RERE: variants seen among roughly 807,000 people sequenced by gnomAD.
RERE encodes the protein arginine-glutamic acid dipeptide repeats.
RERE carries 40 observed loss-of-function variants against 146.1 expected under a neutral mutation model. The ratio of observed to expected loss-of-function variants is 0.27; its 90% CI spans 0.21 to 0.36. The LOEUF is 0.36. Among genes scored for constraint, RERE ranks in the 10% least tolerant of loss-of-function variants. The probability of loss-of-function intolerance (pLI) is 1.00; values close to 1 mark genes in which losing one functional copy is unlikely to be tolerated. For synonymous variants in RERE, 1,003 were observed against 866.0 expected (o/e 1.16, Z -2.78); for missense variants, 1,933 against 2,138.7 (o/e 0.90, Z 1.90).
At chr1:8,454,002 T>C (rs1644420829) in intron 11 of RERE, among the ~76,000 whole-genome samples, 1 of 152,134 alleles carries the variant, frequency 6.6e-6, no homozygotes, top group Non-Finnish European at 1.5e-5. Flanking sequence ...GATTTTAATA[T>C]TAAACAGTGG....
intron 4 of RERE, among the ~76,000 whole-genome samples, chr1:8,561,471 T>C (rs921594285): frequency 6.7e-6 from 1 of 149,822 alleles, no homozygotes; most frequent in African/African-American, 2.6e-5. Context: ...CAGTTCAGTC[T>C]GCAACTGCTA....
chr1:8,529,622 T>C (rs564832522), intron 7 of RERE, among the ~76,000 whole-genome samples: 74 of 152,128 alleles, frequency 4.9e-4, no homozygotes, highest in African/African-American at 1.7e-3. Context: ...TCTCATGGCA[T>C]CTGGAGAGCT....
chr1:8,751,095 T>C, intron 1 of RERE: 3 of 485,554 alleles, frequency 6.2e-6, no homozygotes, highest in Non-Finnish European at 7.5e-6. Flanking sequence ...AAGAAAACCT[T>C]GACTATCTAC....
chr1:8,813,210 T>G (rs374548757), intron 1 of RERE, among the ~76,000 whole-genome samples: 58 of 152,220 alleles, frequency 3.8e-4, no homozygotes, highest in African/African-American at 1.4e-3. Flanking sequence ...TAGCTTTTCT[T>G]TCAGGATGTG....
At chr1:8,516,520 A>C (rs1284094516) in intron 7 of RERE, among the ~76,000 whole-genome samples, 3 of 152,134 alleles carry the variant, frequency 2.0e-5, no homozygotes, top group African/African-American at 7.2e-5. Flanking sequence ...CGACCCTGTA[A>C]GATAGGTGCT....
At chr1:8,400,500 C>A (rs916657401) in intron 12 of RERE, among the ~76,000 whole-genome samples, 50 of 152,126 alleles carry the variant, frequency 3.3e-4, no homozygotes, top group African/African-American at 1.2e-3. Context: ...GATCCTCCCT[C>A]TTTGGCCTCC....
intron 1 of RERE, among the ~76,000 whole-genome samples, chr1:8,698,677 T>C (rs1639384844): frequency 6.6e-6 from 1 of 152,154 alleles, no homozygotes; most frequent in Non-Finnish European, 1.5e-5. Context: ...TTTTCTATTT[T>C]TATTTTTTTT....
intron 1 of RERE, among the ~76,000 whole-genome samples, chr1:8,733,012 G>A (rs926368224): frequency 2.6e-5 from 4 of 151,400 alleles, no homozygotes; most frequent in Non-Finnish European, 4.4e-5. Flanking sequence ...TAGTAGAGAC[G>A]GGGTTTCACC....
chr1:8,732,746 G>A (rs927078468), intron 1 of RERE, among the ~76,000 whole-genome samples: 10 of 149,640 alleles, frequency 6.7e-5, no homozygotes, highest in African/African-American at 2.5e-4. Flanking sequence ...AACTCTGTGT[G>A]TGTGTCTGTA....
In RERE at chr1:8,645,818, T is replaced by G. The variant is rs79930764; in HGVS notation, c.325+10155A>C. On this transcript the variant is annotated intron_variant, in intron 2 of 22. Transcript: ENST00000400908. ...TCTTTCCTCTATCCTCACGAAGTAATAAGTTTTTATGTGCTAAAGAATTGT... is the reference window on the plus strand; with the variant it reads ...TCTTTCCTCTATCCTCACGAAGTAAGAAGTTTTTATGTGCTAAAGAATTGT... 9.9e-3 allele frequency among the ~76,000 whole-genome samples: 1,502 copies of G among 152,342 alleles called. 26 individuals carry two copies. Among genetic ancestry groups the G allele is most frequent in the African/African-American group, 0.035 (1,444 of 41,570 alleles).
In RERE at chr1:8,354,276, T is replaced by A. The variant is rs1017641529; in HGVS notation, c.*811A>T. On this transcript the variant is annotated 3_prime_UTR_variant, in exon 23 of 23. Transcript: ENST00000400908. ...AGCACAGGCTAGGAGCAGACACAAG[T>A]GAAACGCCAGGCAGAAAACAGAGTC... 2 of 152,594 alleles carry A rather than the reference T, an allele frequency of 1.3e-5. No homozygotes were observed. The highest frequency in any genetic ancestry group is 2.4e-5 in the African/African-American group (1 of 41,462). 9.5% of individuals were successfully genotyped at this position (152,594 alleles called of 1,614,324 possible). A position where few individuals can be genotyped will look rare whatever the true frequency, so the allele number is the denominator to read the frequency against.
intron 1 of RERE, among the ~76,000 whole-genome samples, chr1:8,705,467 A>T (rs1026629568): frequency 5.3e-5 from 8 of 152,182 alleles, no homozygotes; most frequent in Admixed American, 3.3e-4. Context: ...TTCAGATCTC[A>T]GGTCAAACAT....
At chr1:8,764,661 CA>C (rs1445255433) in intron 1 of RERE, among the ~76,000 whole-genome samples, 3 of 152,118 alleles carry the variant, frequency 2.0e-5, no homozygotes, top group Non-Finnish European at 4.4e-5. Context: ...GAATGTTCAC[CA>C]CACAGCCATT....
chr1:8,559,888 G>A (rs974636261), intron 4 of RERE, among the ~76,000 whole-genome samples: 4 of 152,054 alleles, frequency 2.6e-5, no homozygotes, highest in South Asian at 2.1e-4. Context: ...GGGACAAATC[G>A]CCAGGACATG....
chr1:8,653,192 C>T (rs75862612), intron 2 of RERE, among the ~76,000 whole-genome samples: 2,317 of 152,232 alleles, frequency 0.015, 61 homozygotes, highest in African/African-American at 0.053. Flanking sequence ...CAGCATTTTC[C>T]ACACATATTT....
chr1:8,659,174 T>C (rs971425606), intron 1 of RERE, among the ~76,000 whole-genome samples: 1 of 152,274 alleles, frequency 6.6e-6, no homozygotes, highest in Non-Finnish European at 1.5e-5. Context: ...CCTGGTAGGC[T>C]ACTAGTGCTA....
At chr1:8,510,080 C>A (rs1271459813) in intron 7 of RERE, among the ~76,000 whole-genome samples, 2 of 151,672 alleles carry the variant, frequency 1.3e-5, no homozygotes, top group African/African-American at 4.8e-5. Flanking sequence ...AGGAGGAAGA[C>A]AAGGAGGAGG....
chr1:8,756,989 G>A (rs1006042884), intron 1 of RERE, among the ~76,000 whole-genome samples: 1 of 151,378 alleles, frequency 6.6e-6, no homozygotes, highest in African/African-American at 2.4e-5. Context: ...TACTTGGGAG[G>A]TGAGGCAGGA....
intron 10 of RERE, among the ~76,000 whole-genome samples, chr1:8,476,013 G>A (rs1014878929): frequency 1.3e-5 from 2 of 152,156 alleles, no homozygotes; most frequent in African/African-American, 4.8e-5. Context: ...ATTTTCAGAA[G>A]GAAATATAGT....
Sources: allele counts gnomAD v4.1 joint callset (sites outside exome capture counted in the v4.1 genomes callset), GRCh38; gene constraint gnomAD v4.1.1; transcripts MANE v1.5; gene names NCBI Gene and HGNC (gene_info 2026-07-23, HGNC 2026-07-21).